ATP2A2: variants seen among roughly 807,000 people sequenced by gnomAD.
ATP2A2 encodes the protein sarcoplasmic/endoplasmic reticulum calcium ATPase 2.
Under a neutral mutation model 109.3 loss-of-function variants are expected in ATP2A2, and 14 were observed. The ratio of observed to expected loss-of-function variants is 0.13; its 90% confidence interval spans 0.08 to 0.20. ATP2A2 has a LOEUF of 0.20. Ranked by LOEUF, ATP2A2 falls within the 10% of genes least tolerant of loss-of-function variation. ATP2A2 has a pLI of 1.00. For synonymous variants in ATP2A2, 506 were observed against 490.9 expected (o/e 1.03, Z -0.41); for missense variants, 657 against 1,321.6 (o/e 0.50, Z 7.80).
At chr12:110,295,301 G>A (rs1455546462) in intron 4 of ATP2A2, among the ~76,000 whole-genome samples, 1 of 152,110 alleles carries the variant, frequency 6.6e-6, no homozygotes, top group Admixed American at 6.6e-5. Flanking sequence ...AGCTGAGACT[G>A]CAGGTGTATG....
chr12:110,294,236 G>T (rs1294779290), intron 4 of ATP2A2, among the ~76,000 whole-genome samples: 1 of 152,068 alleles, frequency 6.6e-6, no homozygotes, highest in East Asian at 1.9e-4. Context: ...ATAGAGACGG[G>T]GTTTCACCGT....
chr12:110,322,692 T>G (rs1877369338), intron 5 of ATP2A2, among the ~76,000 whole-genome samples: 1 of 152,198 alleles, frequency 6.6e-6, no homozygotes, highest in Non-Finnish European at 1.5e-5. Context: ...GAAAGTATTC[T>G]TTAAAGTGAA....
chr12:110,291,964 A>T (rs917636786), intron 3 of ATP2A2, 56 bp from the exon 4 acceptor site: 68 of 1,500,278 alleles, frequency 4.5e-5, no homozygotes, highest in Admixed American at 1.8e-4. Context: ...GCCACTTTTT[A>T]AAAAAGTGAC....
Position 110,346,537 on chromosome 12 carries a change from GTC to G in ATP2A2, c.*69_*70del, listed in dbSNP as rs1879882989. The G allele has an allele frequency of 6.3e-7, 1 of 1,593,154 alleles. No homozygotes were observed. Among genetic ancestry groups the G allele is most frequent in the African/African-American group, 1.3e-5 (1 of 74,136 alleles). On this transcript the variant is annotated 3_prime_UTR_variant, in exon 20 of 20. Transcript: ENST00000539276. ...AATTTTTTTATTGTTTAAAGCAACT[GTC>G]TATTTCTGCTGAATTTTCACATGAA... is the stretch of plus-strand genomic sequence containing the variant.
At chr12:110,293,870 ATTTTTTTTT>A (rs398021049) in intron 4 of ATP2A2, among the ~76,000 whole-genome samples, 1 of 73,342 alleles carries the variant, frequency 1.4e-5, no homozygotes, top group East Asian at 4.6e-4. Flanking sequence ...GTGTGTATAT[ATTTTTTTTT>A]TTTTTTTTTT....
intron 5 of ATP2A2, among the ~76,000 whole-genome samples, chr12:110,305,549 T>G (rs555032854): frequency 6.6e-6 from 1 of 151,986 alleles, no homozygotes; most frequent in African/African-American, 2.4e-5. Flanking sequence ...TGTGAAAAAT[T>G]AATTTACAAA....
chr12:110,338,608 G>T (rs1298307643), intron 11 of ATP2A2, among the ~76,000 whole-genome samples: 1 of 152,132 alleles, frequency 6.6e-6, no homozygotes, highest in Non-Finnish European at 1.5e-5. Flanking sequence ...ACAGGTGCCT[G>T]CCACCACACC....
intron 5 of ATP2A2, among the ~76,000 whole-genome samples, chr12:110,307,329 C>G (rs1166302880): frequency 1.3e-5 from 2 of 150,096 alleles, no homozygotes. Context: ...TTTCCAGGCT[C>G]TAGTGACCCT....
Position 110,340,893 on chromosome 12 carries a change from C to T in ATP2A2, c.1996C>T (p.Arg666Ter), listed in dbSNP as rs1365408478. ...EFDELNPSAQ[R>*]DACLNARCFA... is the part of the protein sequence containing the mutation. The stretch of plus-strand genomic sequence containing the variant: ...TGATGAACTCAACCCCTCCGCCCAG[C>T]GAGACGCCTGCCTGAACGCCCGCTG... Residue 666 changes from arginine to a stop codon, truncating the protein, a stop_gained, in exon 14 of 20, where the codon CGA becomes TGA. Transcript: ENST00000539276. LOFTEE classifies it high-confidence loss of function. The surrounding 1 kb of genome is among the most constrained non-coding windows in gnomAD (Gnocchi z 6.0). 2 of 1,614,202 alleles carry T rather than the reference C, an allele frequency of 1.2e-6. No homozygotes were observed. Among genetic ancestry groups the T allele is most frequent in the Non-Finnish European group, 8.5e-7 (1 of 1,180,044 alleles).
intron 5 of ATP2A2, among the ~76,000 whole-genome samples, chr12:110,322,051 C>T (rs907096019): frequency 5.2e-4 from 79 of 151,612 alleles, no homozygotes; most frequent in African/African-American, 1.7e-3. Flanking sequence ...AGTGCAGTGG[C>T]GCGATCTCAG....
At chr12:110,333,389 C>T in intron 10 of ATP2A2, 106 bp downstream of exon 10, 2 of 1,098,908 alleles carry the variant, frequency 1.8e-6, no homozygotes, top group South Asian at 1.3e-5. Flanking sequence ...GTCAAGGGTG[C>T]CTGATTTTGT....
At chr12:110,291,803 T>G (rs769397160) in intron 3 of ATP2A2, among the ~76,000 whole-genome samples, 2 of 151,842 alleles carry the variant, frequency 1.3e-5, no homozygotes, top group Non-Finnish European at 2.9e-5. Context: ...CCTACCACCA[T>G]GTCCAGCTAA....
intron 16 of ATP2A2, among the ~76,000 whole-genome samples, chr12:110,343,954 G>A (rs1177186331): frequency 6.6e-6 from 1 of 152,116 alleles, no homozygotes; most frequent in Non-Finnish European, 1.5e-5. Context: ...GGAAGGCATT[G>A]TGTTTTCATA....
intron 5 of ATP2A2, among the ~76,000 whole-genome samples, chr12:110,304,165 AT>A (rs1381197254): frequency 6.6e-6 from 1 of 152,190 alleles, no homozygotes; most frequent in Non-Finnish European, 1.5e-5. Flanking sequence ...CTGCTGAATA[AT>A]GTTTATTAGT....
intron 3 of ATP2A2, among the ~76,000 whole-genome samples, chr12:110,289,132 G>C (rs1872987185): frequency 6.6e-6 from 1 of 152,172 alleles, no homozygotes. Flanking sequence ...AGGGGATGTT[G>C]CTTTAAGTTT....
rs760227057 is a variant in ATP2A2 at position 110,345,362 on chromosome 12, A to G, written c.2721A>G (p.Glu907=). The part of the protein sequence containing the change: ...TMALSVLVTI[E]MCNALNSLSE... ...CGCTCTCTGTTCTAGTAACTATAGAAATGTGTAACGCCCTCAACAGGTTAG... is the reference window on the plus strand; with the variant it reads ...CGCTCTCTGTTCTAGTAACTATAGAGATGTGTAACGCCCTCAACAGGTTAG... Residue 907 remains glutamate, a synonymous_variant, in exon 18 of 20, where the codon GAA becomes GAG. Coordinates refer to ENST00000539276, the MANE Select transcript of ATP2A2 (RefSeq NM_170665.4). 8.1e-6 allele frequency: 13 copies of G among 1,614,086 alleles called. No individual in the cohort carries two copies. Among genetic ancestry groups the G allele is most frequent in the Non-Finnish European group, 3.4e-6 (4 of 1,180,036 alleles).
In ATP2A2 at chr12:110,348,196, G is replaced by T; in HGVS notation, c.*1726G>T. 1.0e-6 allele frequency: 1 copy of T among 985,408 alleles called. No homozygotes were observed. Among genetic ancestry groups the T allele is most frequent in the East Asian group, 1.1e-4 (1 of 8,810 alleles). The allele number at this position is 985,408 out of a possible 1,614,324, so 61.0% of individuals were successfully genotyped here. ...ATTAAAAAGCTAAAAACTAGTGAAA[G>T]CAAGTAACTGAACCAGTGAACTCTG... On this transcript the variant is annotated 3_prime_UTR_variant, in exon 20 of 20. Transcript: ENST00000539276.
Position 110,346,444 on chromosome 12 carries a change from A to G in ATP2A2, c.3103A>G (p.Asn1035Asp). Residue 1035 changes from asparagine (N) to aspartate (D), a missense_variant, in exon 20 of 20, where the codon AAC becomes GAC. Physicochemically the swap from Asn to Asp is conservative, Grantham distance 23 (BLOSUM62 1). Coordinates refer to ENST00000539276, the MANE Select transcript of ATP2A2 (RefSeq NM_170665.4). ...LVIWVYSTDT[N>D]FSDMFWS Reference sequence around the variant, plus strand: ...GATCTGGGTCTATAGCACAGACACTAACTTTAGCGATATGTTCTGGTCTTG... The same window carrying G: ...GATCTGGGTCTATAGCACAGACACTGACTTTAGCGATATGTTCTGGTCTTG... 1.2e-6 allele frequency: 2 copies of G among 1,614,234 alleles called. No homozygotes were observed. Among genetic ancestry groups the G allele is most frequent in the Non-Finnish European group, 1.7e-6 (2 of 1,180,042 alleles).
intron 6 of ATP2A2, among the ~76,000 whole-genome samples, chr12:110,324,951 A>G (rs12310834): frequency 0.2 from 30,811 of 151,136 alleles, 4,306 homozygotes; most frequent in African/African-American, 0.4. Context: ...CTAGTAGCTG[A>G]AATTACAGGC....
Sources: gnomAD v4.1 joint callset for allele counts (sites outside exome capture counted in the v4.1 genomes callset) on GRCh38, gnomAD v4.1.1 for gene constraint, Gnocchi (gnomAD v3.1) non-coding constraint, MANE v1.5 for transcripts, NCBI Gene and HGNC (gene_info 2026-07-23, HGNC 2026-07-21) for gene names.